Variants in CSRNP3 observed in about 807,000 individuals in gnomAD.
The protein encoded by CSRNP3 is cysteine/serine-rich nuclear protein 3.
In CSRNP3, 12 loss-of-function variants were observed where a neutral mutation model predicts 48.0. That is an observed-to-expected ratio of 0.25 (90% CI 0.16 to 0.41). The LOEUF (loss-of-function observed/expected upper bound fraction) is 0.41. Ranked by LOEUF, CSRNP3 falls within the 10% of genes least tolerant of loss-of-function variation. CSRNP3 has a pLI of 1.00. For synonymous variants in CSRNP3, 263 were observed against 269.7 expected (o/e 0.98, Z 0.24); for missense variants, 580 against 724.4 (o/e 0.80, Z 2.29).
intron 6 of CSRNP3, 67 bp from the exon 7 acceptor site, chr2:165,678,634 A>T: frequency 6.5e-7 from 1 of 1,531,208 alleles, no homozygotes; most frequent in Non-Finnish European, 8.8e-7. Flanking sequence ...GAAGTTACTG[A>T]AAAGTTCTGG....
intron 3 of CSRNP3, among the ~76,000 whole-genome samples, chr2:165,523,694 C>A (rs1684693445): frequency 6.6e-6 from 1 of 152,146 alleles, no homozygotes; most frequent in Admixed American, 6.5e-5. Context: ...TGTCTCTATT[C>A]TTCCATCCAG....
intron 4 of CSRNP3, among the ~76,000 whole-genome samples, chr2:165,634,850 C>T (rs546670983): frequency 6.6e-6 from 1 of 152,190 alleles, no homozygotes; most frequent in Non-Finnish European, 1.5e-5. Context: ...GTATGGTTGC[C>T]TTGCTATTTG....
At chr2:165,502,756 CCT>C (rs1684374463) in intron 2 of CSRNP3, among the ~76,000 whole-genome samples, 2 of 151,484 alleles carry the variant, frequency 1.3e-5, no homozygotes, top group South Asian at 2.1e-4. Flanking sequence ...TCTCTCTTCC[CCT>C]GTCTCTCTCT....
chr2:165,480,354 C>T (rs971274486), intron 1 of CSRNP3, among the ~76,000 whole-genome samples: 3 of 152,070 alleles, frequency 2.0e-5, no homozygotes, highest in Admixed American at 6.6e-5. Flanking sequence ...ATAACACAAT[C>T]GCAGGAGTGG....
At chr2:165,517,127 T>C (rs1039333360) in intron 2 of CSRNP3, among the ~76,000 whole-genome samples, 4 of 152,056 alleles carry the variant, frequency 2.6e-5, no homozygotes, top group Admixed American at 1.3e-4. Flanking sequence ...TACCTTGACA[T>C]ACAAGAGTAG....
chr2:165,638,470 A>G (rs1457968960), intron 4 of CSRNP3, among the ~76,000 whole-genome samples: 1 of 152,186 alleles, frequency 6.6e-6, no homozygotes, highest in Non-Finnish European at 1.5e-5. Context: ...TCAAAAAAAA[A>G]AAAATCATTT....
At chr2:165,666,090 A>G (rs1687189869) in intron 5 of CSRNP3, among the ~76,000 whole-genome samples, 2 of 135,836 alleles carry the variant, frequency 1.5e-5, no homozygotes, top group Non-Finnish European at 3.2e-5. Context: ...GAAAGGAAGG[A>G]AGGAGAGAGA....
rs1685324740 is a variant in CSRNP3 at position 165,568,409 on chromosome 2, T to A, written c.-23-26634T>A. ...CTAAATCTCCTGTCACCCAAGTCTC[T>A]TCAAAGTCCCTCTTATTATAGTTAG... On this transcript the variant is annotated intron_variant, in intron 3 of 6. Coordinates refer to ENST00000651982, the MANE Select transcript of CSRNP3 (RefSeq NM_001172173.2). 2.0e-5 allele frequency among the ~76,000 whole-genome samples: 3 copies of A among 152,100 alleles called. No homozygotes were observed. In the South Asian group the frequency reaches 6.2e-4, roughly 32 times the overall value.
chr2:165,661,731 T>C (rs983916071), intron 5 of CSRNP3, among the ~76,000 whole-genome samples: 2 of 152,178 alleles, frequency 1.3e-5, no homozygotes, highest in African/African-American at 4.8e-5. Flanking sequence ...AGACAAACTT[T>C]GCTCACTGTG....
chr2:165,661,320 C>T (rs540929237), intron 5 of CSRNP3, among the ~76,000 whole-genome samples: 1 of 152,258 alleles, frequency 6.6e-6, no homozygotes, highest in East Asian at 1.9e-4. Flanking sequence ...GCATTTAATA[C>T]ACCTAACGTA....
At chr2:165,493,834 C>T (rs529208341) in intron 1 of CSRNP3, among the ~76,000 whole-genome samples, 1 of 152,046 alleles carries the variant, frequency 6.6e-6, no homozygotes, top group Non-Finnish European at 1.5e-5. Context: ...TAACTATAGG[C>T]AAAAGAGAAG....
At chr2:165,606,387 T>G (rs928544717) in intron 4 of CSRNP3, among the ~76,000 whole-genome samples, 3 of 126,386 alleles carry the variant, frequency 2.4e-5, no homozygotes, top group Non-Finnish European at 5.1e-5. Flanking sequence ...AAAAAAAAAG[T>G]AGACATAGAA....
rs531581928 is a variant in CSRNP3 at position 165,473,403 on chromosome 2, C to T, written c.-283+3663C>T. Among the ~76,000 whole-genome samples the T allele has an allele frequency of 6.6e-5, 10 of 152,044 alleles. No homozygotes were observed. In the South Asian group the frequency reaches 2.1e-3, roughly 32 times the overall value. On this transcript the variant is annotated intron_variant, in intron 1 of 6. Coordinates refer to ENST00000651982, the MANE Select transcript of CSRNP3 (RefSeq NM_001172173.2). ...GCTGGAAATGGAGGGGTGGCATTTACAAGAAATGGAAATAACATGAGAGTA... is the reference window on the plus strand; with the variant it reads ...GCTGGAAATGGAGGGGTGGCATTTATAAGAAATGGAAATAACATGAGAGTA...
chr2:165,481,482 C>T (rs1684042302), intron 1 of CSRNP3, among the ~76,000 whole-genome samples: 1 of 152,162 alleles, frequency 6.6e-6, no homozygotes, highest in Non-Finnish European at 1.5e-5. Context: ...CAACTGATCA[C>T]ACCCACCCAC....
chr2:165,531,682 A>G (rs1047265875), intron 3 of CSRNP3, among the ~76,000 whole-genome samples: 3 of 152,238 alleles, frequency 2.0e-5, no homozygotes, highest in African/African-American at 7.2e-5. Flanking sequence ...TTCAAAAGCT[A>G]GCAGAAGGCA....
chr2:165,573,242 T>C (rs891829898), intron 3 of CSRNP3, among the ~76,000 whole-genome samples: 1 of 152,128 alleles, frequency 6.6e-6, no homozygotes, highest in Non-Finnish European at 1.5e-5. Context: ...ATTTTATAAA[T>C]ATTATTCATT....
chr2:165,648,498 G>GAA (rs934190326), intron 4 of CSRNP3, among the ~76,000 whole-genome samples: 3 of 152,058 alleles, frequency 2.0e-5, no homozygotes, highest in Non-Finnish European at 4.4e-5. Flanking sequence ...TTTTTAAAAA[G>GAA]ATTTTTTTGC....
intron 3 of CSRNP3, among the ~76,000 whole-genome samples, chr2:165,541,507 G>A (rs1316387625): frequency 6.6e-6 from 1 of 152,004 alleles, no homozygotes; most frequent in African/African-American, 2.4e-5. Context: ...GGTGGTGCCT[G>A]CCTTCAAAGT....
intron 4 of CSRNP3, among the ~76,000 whole-genome samples, chr2:165,596,391 T>C (rs1364406974): frequency 1.3e-5 from 2 of 152,138 alleles, no homozygotes; most frequent in Non-Finnish European, 2.9e-5. Flanking sequence ...TATTAATATA[T>C]GATTCTATAA....
Sources: allele counts gnomAD v4.1 joint callset (sites outside exome capture counted in the v4.1 genomes callset), GRCh38; gene constraint gnomAD v4.1.1; transcripts MANE v1.5; gene names NCBI Gene and HGNC (gene_info 2026-07-23, HGNC 2026-07-21).